The following COP1 variants were observed in gnomAD, a reference collection of about 807,000 sequenced individuals.
COP1 encodes the protein E3 ubiquitin-protein ligase COP1.
COP1 carries 24 observed loss-of-function variants against 101.3 expected under a neutral mutation model. The observed-to-expected ratio is 0.24, with a 90% CI of 0.17 to 0.33. The LOEUF (loss-of-function observed/expected upper bound fraction) is 0.33, where lower values mean the gene tolerates loss of function less well. Among genes scored for constraint, COP1 ranks in the 10% least tolerant of loss-of-function variants. The pLI is 1.00. For missense variants in COP1, 663 were observed against 906.2 expected, an observed-to-expected ratio of 0.73 and a Z score of 3.45; for synonymous variants, 347 against 341.9, an observed-to-expected ratio of 1.01 and a Z score of -0.17.
chr1:176,137,072 AT>A (rs1486930874), intron 6 of COP1, among the ~76,000 whole-genome samples: 1 of 152,186 alleles, frequency 6.6e-6, no homozygotes, highest in Non-Finnish European at 1.5e-5. Flanking sequence ...ATAAACAAAG[AT>A]TAGTCTGACA....
chr1:176,160,107 T>C (rs1694071553), intron 5 of COP1, among the ~76,000 whole-genome samples: 1 of 152,090 alleles, frequency 6.6e-6, no homozygotes, highest in Admixed American at 6.6e-5. Flanking sequence ...AAAGAATCTG[T>C]AATCTAATAA....
chr1:176,187,327 T>C (rs1033722411), intron 1 of COP1, among the ~76,000 whole-genome samples: 1 of 151,972 alleles, frequency 6.6e-6, no homozygotes, highest in Admixed American at 6.6e-5. Flanking sequence ...TACACACACA[T>C]ATACACATAT....
At chr1:176,133,153 CAT>C (rs540528210) in intron 8 of COP1, among the ~76,000 whole-genome samples, 2 of 138,796 alleles carry the variant, frequency 1.4e-5, no homozygotes, top group Non-Finnish European at 1.6e-5. Flanking sequence ...TATATACGTA[CAT>C]ATATATACGT....
chr1:176,058,745 A>C (rs572346530), intron 11 of COP1, among the ~76,000 whole-genome samples: 1 of 148,202 alleles, frequency 6.7e-6, no homozygotes, highest in Non-Finnish European at 1.5e-5. Flanking sequence ...AACACCCAAG[A>C]ATGATCAATA....
chr1:176,062,212 C>T (rs1674989252), intron 11 of COP1, among the ~76,000 whole-genome samples: 1 of 152,056 alleles, frequency 6.6e-6, no homozygotes, highest in Admixed American at 6.5e-5. Context: ...CCATGTTAGC[C>T]AGGATGGTCT....
intron 8 of COP1, among the ~76,000 whole-genome samples, chr1:176,124,781 T>C (rs1050608482): frequency 1.3e-5 from 2 of 152,208 alleles, no homozygotes; most frequent in African/African-American, 4.8e-5. Context: ...TTTGGATATA[T>C]ACCCAGCAGT....
chr1:176,111,448 C>T (rs1685274281), intron 9 of COP1, among the ~76,000 whole-genome samples: 1 of 152,038 alleles, frequency 6.6e-6, no homozygotes, highest in South Asian at 2.1e-4. Flanking sequence ...TGCGCACCAC[C>T]ATGCTCAGCT....
chr1:176,196,948 G>A (rs1267507395), intron 1 of COP1, among the ~76,000 whole-genome samples: 1 of 151,470 alleles, frequency 6.6e-6, no homozygotes, highest in Non-Finnish European at 1.5e-5. Context: ...GCAGGAGGGA[G>A]GGAGGGAGGG....
At chr1:176,189,370 A>G (rs1698847828) in intron 1 of COP1, among the ~76,000 whole-genome samples, 1 of 151,616 alleles carries the variant, frequency 6.6e-6, no homozygotes, top group Non-Finnish European at 1.5e-5. Context: ...GTTTCTAGGG[A>G]CAGTATTATG....
At chr1:176,080,396 G>T (rs1008979548) in intron 11 of COP1, among the ~76,000 whole-genome samples, 4 of 151,962 alleles carry the variant, frequency 2.6e-5, no homozygotes, top group African/African-American at 9.7e-5. Flanking sequence ...CCCTCAAAAA[G>T]TAGAAGAATA....
At chr1:176,083,157 T>C (rs905701686) in intron 10 of COP1, among the ~76,000 whole-genome samples, 1 of 152,220 alleles carries the variant, frequency 6.6e-6, no homozygotes. Flanking sequence ...ATGATTCTTT[T>C]TATATGGAAT....
At chr1:176,010,386 T>G (rs1378680458) in intron 15 of COP1, among the ~76,000 whole-genome samples, 3 of 152,210 alleles carry the variant, frequency 2.0e-5, no homozygotes, top group Non-Finnish European at 4.4e-5. Context: ...GCCTGAATAT[T>G]TATTAAGTTT....
At chr1:175,975,527 A>C (rs964818070) in intron 18 of COP1, among the ~76,000 whole-genome samples, 23 of 152,112 alleles carry the variant, frequency 1.5e-4, no homozygotes, top group African/African-American at 5.3e-4. Context: ...CTCATGTCTC[A>C]GCCATCTCAG....
At chr1:176,049,399 TA>T (rs1216878251) in intron 11 of COP1, among the ~76,000 whole-genome samples, 5 of 152,106 alleles carry the variant, frequency 3.3e-5, no homozygotes, top group Non-Finnish European at 7.4e-5. Flanking sequence ...GTTTTGTTTT[TA>T]ATATATTAAG....
At chr1:176,023,060 T>C (rs750057598) in intron 15 of COP1, among the ~76,000 whole-genome samples, 3 of 152,210 alleles carry the variant, frequency 2.0e-5, no homozygotes, top group Non-Finnish European at 2.9e-5. Flanking sequence ...GAAGGATTCC[T>C]GATTCCGTGA....
rs539587457 is a variant in COP1, at chr1:176,177,584, TAGTA to T, written c.468-1581_468-1578del. Among the ~76,000 whole-genome samples, 401 of 152,216 alleles carry T rather than the reference TAGTA, an allele frequency of 2.6e-3. 3 individuals are homozygous for T. The highest frequency in any genetic ancestry group is 9.2e-3 in the African/African-American group (382 of 41,556). On this transcript the variant is annotated intron_variant, in intron 2 of 19. Transcript: ENST00000367669. Reference sequence around the variant, plus strand: ...ATGTCTTTAATTCAGGTTTCTATAATAGTAAGTATTACTGGTAACACTCAGGAAA... The same window carrying T: ...ATGTCTTTAATTCAGGTTTCTATAATAGTATTACTGGTAACACTCAGGAAA...
intron 11 of COP1, among the ~76,000 whole-genome samples, chr1:176,075,638 C>A (rs1478585428): frequency 2.0e-5 from 3 of 152,070 alleles, no homozygotes; most frequent in Non-Finnish European, 4.4e-5. Flanking sequence ...TATACACACC[C>A]AACACTGGAG....
chr1:176,144,725 C>T (rs546691706), intron 6 of COP1, among the ~76,000 whole-genome samples: 85 of 152,170 alleles, frequency 5.6e-4, no homozygotes, highest in Non-Finnish European at 7.2e-4. Context: ...CAGACCCACA[C>T]ATACATGGAC....
intron 15 of COP1, among the ~76,000 whole-genome samples, chr1:176,019,163 T>C (rs1666219947): frequency 7.2e-6 from 1 of 139,528 alleles, no homozygotes; most frequent in Non-Finnish European, 1.5e-5. Flanking sequence ...GAGAATAGAC[T>C]TTTTAAAAAA....
Sources: allele counts gnomAD v4.1 joint callset (sites outside exome capture counted in the v4.1 genomes callset), GRCh38; gene constraint gnomAD v4.1.1; transcripts MANE v1.5; gene names NCBI Gene and HGNC (gene_info 2026-07-23, HGNC 2026-07-21).